Variants in FGF13 observed in about 807,000 individuals in gnomAD.
FGF13 encodes fibroblast growth factor homologous factor 2.
Under a neutral mutation model 19.5 loss-of-function variants are expected in FGF13, and 2 were observed. The observed-to-expected ratio is 0.10, with a 90% confidence interval of 0.04 to 0.32. FGF13 has a LOEUF of 0.32. Ranked by LOEUF, FGF13 falls within the 10% of genes least tolerant of loss-of-function variation. The pLI is 1.00. For synonymous variants in FGF13, 72 were observed against 76.9 expected (o/e 0.94, Z 0.33); for missense variants, 113 against 192.7 (o/e 0.59, Z 2.45).
chrX:138,636,171 C>T (rs988388637), intron 3 of FGF13, among the ~76,000 whole-genome samples: 1 of 112,177 alleles, frequency 8.9e-6, no homozygotes, highest in African/African-American at 3.2e-5. Context: ...AGAAAGCCTA[C>T]CTTTTACTTT....
At chrX:138,808,611 T>C (rs1283081674) in intron 3 of FGF13, among the ~76,000 whole-genome samples, 2 of 110,636 alleles carry the variant, frequency 1.8e-5, no homozygotes, top group Non-Finnish European at 3.8e-5. Flanking sequence ...CTGAAGGAGA[T>C]AGAGACACAA....
chrX:138,973,931 A>G (rs2091929714), intron 1 of FGF13, among the ~76,000 whole-genome samples: 1 of 111,438 alleles, frequency 9.0e-6, no homozygotes, highest in Admixed American at 9.6e-5. Flanking sequence ...TTGGGAGGCA[A>G]TTAGGATTAG....
chrX:138,760,908 A>C (rs2090462239), intron 3 of FGF13, among the ~76,000 whole-genome samples: 1 of 112,063 alleles, frequency 8.9e-6, no homozygotes, highest in South Asian at 3.7e-4. Flanking sequence ...GTGAAAACAA[A>C]CAAAAAAACA....
At chrX:139,128,519 C>A (rs749236841) in intron 1 of FGF13, among the ~76,000 whole-genome samples, 1 of 112,247 alleles carries the variant, frequency 8.9e-6, no homozygotes, top group African/African-American at 3.2e-5. Context: ...CCTGGTCTGG[C>A]CTCTGCCTAG....
chrX:138,743,479 C>A (rs1380465854), upstream of FGF13, among the ~76,000 whole-genome samples: 2 of 111,045 alleles, frequency 1.8e-5, no homozygotes, highest in Non-Finnish European at 3.8e-5. Context: ...TTGTCCAAAC[C>A]CAGACAATGT....
intron 2 of FGF13, among the ~76,000 whole-genome samples, chrX:138,704,107 T>C (rs1334642907): frequency 8.9e-6 from 1 of 112,480 alleles, no homozygotes; most frequent in Non-Finnish European, 1.9e-5. Flanking sequence ...GACATAGGAA[T>C]AAAAATAATG....
intron 1 of FGF13, among the ~76,000 whole-genome samples, chrX:139,064,294 T>C (rs1303114836): frequency 2.2e-5 from 1 of 45,848 alleles, no homozygotes; most frequent in Non-Finnish European, 3.7e-5. Flanking sequence ...TTTTTTTTTT[T>C]TTTTTTTTTT....
intron 3 of FGF13, among the ~76,000 whole-genome samples, chrX:138,780,996 C>T (rs760767047): frequency 7.5e-4 from 84 of 111,371 alleles, no homozygotes; most frequent in African/African-American, 2.7e-3. Context: ...CAAACTAGAA[C>T]TCAGGATTAA....
intron 1 of FGF13, among the ~76,000 whole-genome samples, chrX:138,918,137 C>G (rs1253959705): frequency 1.0e-5 from 1 of 97,647 alleles, no homozygotes; most frequent in Non-Finnish European, 2.0e-5. Flanking sequence ...ACAATTGACA[C>G]AATTCTCTGC....
chrX:139,078,024 A>G (rs2083343921), intron 1 of FGF13, among the ~76,000 whole-genome samples: 1 of 111,284 alleles, frequency 9.0e-6, no homozygotes, highest in African/African-American at 3.3e-5. Context: ...CAACATCTCC[A>G]GAGCCAGAGC....
At chrX:139,014,172 A>C (rs1036719872) in intron 1 of FGF13, among the ~76,000 whole-genome samples, 5 of 111,750 alleles carry the variant, frequency 4.5e-5, no homozygotes, top group South Asian at 3.7e-4. Flanking sequence ...AAAACTTAAA[A>C]TAACCTAATG....
chrX:138,863,194 T>C (rs1473665183), intron 2 of FGF13, among the ~76,000 whole-genome samples: 1 of 111,388 alleles, frequency 9.0e-6, no homozygotes, highest in Non-Finnish European at 1.9e-5. Context: ...TATATATGTA[T>C]GTATTTCTCT....
intron 1 of FGF13, among the ~76,000 whole-genome samples, chrX:139,128,342 C>T (rs1183226206): frequency 7.2e-5 from 8 of 111,730 alleles, no homozygotes; most frequent in Non-Finnish European, 1.1e-4. Flanking sequence ...TGCATACTCT[C>T]GGCAGTAACT....
intron 1 of FGF13, among the ~76,000 whole-genome samples, chrX:138,914,721 C>G (rs965292300): frequency 7.4e-5 from 8 of 107,866 alleles, no homozygotes; most frequent in Admixed American, 5.0e-4. Context: ...AAAAAGACCT[C>G]CCATGCTTAT....
chrX:139,125,431 T>A (rs1404910746), intron 1 of FGF13, among the ~76,000 whole-genome samples: 3 of 111,681 alleles, frequency 2.7e-5, no homozygotes, highest in African/African-American at 6.5e-5. Flanking sequence ...ATGAAAACTA[T>A]TTTTTTTCTC....
At chrX:138,760,704 C>T (rs1301794660) in intron 3 of FGF13, among the ~76,000 whole-genome samples, 2 of 112,035 alleles carry the variant, frequency 1.8e-5, no homozygotes, top group East Asian at 5.7e-4. Context: ...TAGTAAGAGG[C>T]ATAGCCAGGA....
intron 1 of FGF13, among the ~76,000 whole-genome samples, chrX:139,193,434 G>T (rs1037911242): frequency 9.0e-6 from 1 of 111,710 alleles, no homozygotes; most frequent in East Asian, 2.8e-4. Flanking sequence ...TTGTGAAAAG[G>T]ATCCTTGAAG....
chrX:138,765,815 G>A (rs1026821991), intron 3 of FGF13, among the ~76,000 whole-genome samples: 89 of 111,300 alleles, frequency 8.0e-4, no homozygotes, highest in African/African-American at 2.9e-3. Context: ...CACACTTGTC[G>A]TGTGCAACTC....
chrX:138,985,104 G>A (rs2091989882), intron 1 of FGF13: 1 of 361,455 alleles, frequency 2.8e-6, no homozygotes, highest in African/African-American at 2.5e-5. Context: ...GTGAAGTAAG[G>A]AAACAAAACA....
Sources: allele counts gnomAD v4.1 joint callset (sites outside exome capture counted in the v4.1 genomes callset), GRCh38; gene constraint gnomAD v4.1.1; transcripts MANE v1.5; gene names NCBI Gene and HGNC (gene_info 2026-07-23, HGNC 2026-07-21).